The following NEURL1 variants were observed in gnomAD, a reference collection of about 807,000 sequenced individuals.
NEURL1 encodes the protein E3 ubiquitin-protein ligase NEURL1.
In NEURL1, 26 loss-of-function variants were observed where a neutral mutation model predicts 41.2. The observed-to-expected ratio is 0.63, with a 90% confidence interval of 0.46 to 0.87. NEURL1 has a LOEUF of 0.87. Ranked by LOEUF, NEURL1 falls within the 40% of genes least tolerant of loss-of-function variation. The pLI, the probability that NEURL1 is intolerant of heterozygous loss-of-function variation, is 0.00. For missense variants in NEURL1, 761 were observed against 871.1 expected (o/e 0.87, Z 1.59); for synonymous variants, 400 against 402.3 (o/e 0.99, Z 0.07).
intron 1 of NEURL1, among the ~76,000 whole-genome samples, chr10:103,510,231 C>T (rs149208814): frequency 7.9e-5 from 12 of 152,218 alleles, no homozygotes; most frequent in Non-Finnish European, 1.3e-4. Flanking sequence ...AAGCTTTGGC[C>T]GGACAGTGAT....
At chr10:103,519,959 AT>A (rs201995448) in intron 1 of NEURL1, among the ~76,000 whole-genome samples, 1,604 of 151,374 alleles carry the variant, frequency 0.011, 23 homozygotes, top group African/African-American at 0.037. Context: ...TAATTTTTAA[AT>A]TTTTTTTAGA....
intron 1 of NEURL1, 137 bp downstream of exon 1, chr10:103,494,609 G>A (rs1244605060): frequency 1.3e-6 from 1 of 765,788 alleles, no homozygotes; most frequent in Non-Finnish European, 2.0e-6. Context: ...CCGTGGAGTG[G>A]GCTGGGGGTG....
intron 1 of NEURL1, among the ~76,000 whole-genome samples, chr10:103,501,370 C>T (rs3736915): frequency 1.3e-3 from 193 of 152,134 alleles, no homozygotes; most frequent in East Asian, 0.012. Flanking sequence ...TCCTAGGCCA[C>T]GCTGAAAGGG....
chr10:103,584,296 G>T (rs147080332), intron 3 of NEURL1, among the ~76,000 whole-genome samples: 1 of 152,324 alleles, frequency 6.6e-6, no homozygotes, highest in East Asian at 1.9e-4. Flanking sequence ...GCACCTGTGA[G>T]CATTTGGAAG....
intron 1 of NEURL1, among the ~76,000 whole-genome samples, chr10:103,557,541 C>T (rs2035183059): frequency 6.6e-6 from 1 of 152,336 alleles, no homozygotes; most frequent in African/African-American, 2.4e-5. Context: ...CCCTCCCAGG[C>T]GGGGCCTCCC....
intron 1 of NEURL1, among the ~76,000 whole-genome samples, chr10:103,546,099 C>T (rs919265532): frequency 1.3e-5 from 2 of 152,230 alleles, no homozygotes; most frequent in Non-Finnish European, 2.9e-5. Context: ...AACTCCTGGG[C>T]TCAAGTGATC....
intron 3 of NEURL1, among the ~76,000 whole-genome samples, chr10:103,579,524 GCCATT>G (rs1389610422): frequency 2.6e-5 from 4 of 152,156 alleles, no homozygotes; most frequent in Non-Finnish European, 4.4e-5. Flanking sequence ...TGACCCTAGG[GCCATT>G]CTAGCCTCTA....
intron 1 of NEURL1, chr10:103,494,760 G>A (rs1253634862): frequency 2.4e-5 from 10 of 410,512 alleles, no homozygotes; most frequent in Non-Finnish European, 3.9e-5. Flanking sequence ...AAGGATGTTT[G>A]CCAGGTCGAT....
chr10:103,584,922 G>A lies in NEURL1; in HGVS notation c.1036G>A (p.Gly346Ser). 6.8e-7 allele frequency: 1 copy of A among 1,480,790 alleles called. No individual in the cohort carries two copies. The allele number at this position is 1,480,790 out of a possible 1,614,324, so 91.7% of individuals were successfully genotyped here. Residue 346 changes from glycine to serine, a missense_variant, in exon 4 of 6, where the codon GGT (glycine) becomes AGT (serine). By Grantham distance (56) the Gly-to-Ser change is moderately conservative. This residue lies in a region of NEURL1 where 443 missense variants were observed against 408.1 expected (regional missense o/e 1.09). Transcript: ENST00000369780. ...ETIFVKVTRS[G>S]GARPGALSFG... Reference sequence around the variant, plus strand: ...CATCTTCGTCAAGGTCACGCGCTCGGGTGGCGCGCGGCCCGGCGCGCTGTC... The same window carrying A: ...CATCTTCGTCAAGGTCACGCGCTCGAGTGGCGCGCGGCCCGGCGCGCTGTC...
At chr10:103,561,596 T>TGTTAGG (rs2035293913) in intron 1 of NEURL1, among the ~76,000 whole-genome samples, 4 of 152,138 alleles carry the variant, frequency 2.6e-5, no homozygotes, top group South Asian at 4.2e-4. Context: ...CGAAGCTACT[T>TGTTAGG]GTTAGGCCCA....
At chr10:103,547,076 C>A (rs1461301140) in intron 1 of NEURL1, among the ~76,000 whole-genome samples, 1 of 152,246 alleles carries the variant, frequency 6.6e-6, no homozygotes, top group African/African-American at 2.4e-5. Flanking sequence ...ACACGACATG[C>A]ATGAGCTCAT....
At chr10:103,544,884 G>A (rs1292661498) in intron 1 of NEURL1, among the ~76,000 whole-genome samples, 2 of 152,220 alleles carry the variant, frequency 1.3e-5, no homozygotes, top group East Asian at 3.8e-4. Flanking sequence ...GGAGGGAGAA[G>A]CCACGGAGAC....
intron 1 of NEURL1, among the ~76,000 whole-genome samples, chr10:103,564,813 CCAAAGTT>C (rs978334207): frequency 3.3e-5 from 5 of 152,174 alleles, no homozygotes; most frequent in African/African-American, 1.2e-4. Flanking sequence ...AGAGCTATGT[CCAAAGTT>C]CATTCTCATT....
At chr10:103,573,911 G>A (rs2035601292) in intron 3 of NEURL1, among the ~76,000 whole-genome samples, 1 of 152,214 alleles carries the variant, frequency 6.6e-6, no homozygotes, top group Non-Finnish European at 1.5e-5. Flanking sequence ...GTGCCACCAA[G>A]TGGTGCTGGT....
intron 1 of NEURL1, among the ~76,000 whole-genome samples, chr10:103,546,015 T>TTAA (rs2034917638): frequency 1.3e-5 from 2 of 152,160 alleles, no homozygotes; most frequent in South Asian, 4.1e-4. Context: ...TCACTTTTCT[T>TTAA]TTTTTAGAGA....
intron 4 of NEURL1, among the ~76,000 whole-genome samples, chr10:103,585,851 A>G (rs982364665): frequency 5.4e-4 from 77 of 143,576 alleles, no homozygotes; most frequent in Non-Finnish European, 9.4e-4. Flanking sequence ...AAAAAAAAAA[A>G]GGTTTCCCCC....
intron 3 of NEURL1, 136 bp from the exon 4 acceptor site, chr10:103,584,400 A>C (rs1241313093): frequency 2.0e-6 from 1 of 501,358 alleles, no homozygotes; most frequent in East Asian, 3.6e-5. Context: ...GTGTTCGCTA[A>C]TTTATGTCAC....
chr10:103,496,112 T>TA (rs538259442), intron 1 of NEURL1, among the ~76,000 whole-genome samples: 10,830 of 130,982 alleles, frequency 0.083, 522 homozygotes, highest in South Asian at 0.26. Context: ...TCTGTCTTGC[T>TA]AAAAAAAAAA....
At chr10:103,514,859 T>C (rs1205454395) in intron 1 of NEURL1, among the ~76,000 whole-genome samples, 1 of 151,992 alleles carries the variant, frequency 6.6e-6, no homozygotes, top group Non-Finnish European at 1.5e-5. Context: ...CAGGCCAGCC[T>C]TGGGGCTCTC....
Sources: gnomAD v4.1 joint callset for allele counts (sites outside exome capture counted in the v4.1 genomes callset) on GRCh38, gnomAD v4.1.1 for gene constraint, gnomAD v4.1.1 regional missense constraint, MANE v1.5 for transcripts, NCBI Gene and HGNC (gene_info 2026-07-23, HGNC 2026-07-21) for gene names.